Variants in CES3 observed in about 807,000 individuals in gnomAD.
The protein encoded by CES3 is carboxylesterase 3, also known as carboxylesterase 3 (brain).
Under a neutral mutation model 57.6 loss-of-function variants are expected in CES3, and 49 were observed. That is an observed-to-expected ratio of 0.85 (90% CI 0.68 to 1.08). The LOEUF (loss-of-function observed/expected upper bound fraction) is 1.08. Ranked by LOEUF, CES3 falls within the 50% of genes least tolerant of loss-of-function variation. The probability of loss-of-function intolerance (pLI) is 0.00; values close to 1 mark genes in which losing one functional copy is unlikely to be tolerated. For missense variants in CES3, 645 were observed against 742.0 expected (o/e 0.87, Z 1.52); for synonymous variants, 266 against 281.6 (o/e 0.94, Z 0.55).
rs745523870 is a variant in CES3 at position 66,972,347 on chromosome 16, T to A, written c.1292-9T>A. On this transcript the variant is annotated splice_polypyrimidine_tract_variant and intron_variant, in intron 10 of 12. Transcript: ENST00000303334. ...AGTGCCTAACTCCCATCCCATCCTT[T>A]CTCTGTAGATTCTGGAAGCCCTGTC... The A allele has an allele frequency of 6.3e-6, 10 of 1,582,436 alleles. No individual in the cohort carries two copies. The South Asian group carries it at 1.0e-4, about 17-fold the overall frequency.
chr16:66,963,197 C>T lies in CES3; in HGVS notation c.101C>T (p.Pro34Leu), dbSNP rs758922322. Residue 34 changes from proline to leucine, a missense_variant, in exon 2 of 13, where the codon CCT becomes CTT. Physicochemically the swap from Pro to Leu is moderately conservative, Grantham distance 98 (BLOSUM62 -3). Transcript: ENST00000303334. This position sits in a 1 kb window ranked among gnomAD's most constrained non-coding sequence, Gnocchi z 4.9. ...CCCTCAGGGCCCGAAGTTGCTCAGC[C>T]TGAAGTAGACACCACCCTGGGTCGT... ...ATATGPEVAQ[P>L]EVDTTLGRVR... is the part of the protein sequence containing the mutation. The T allele has an allele frequency of 3.1e-6, 5 of 1,614,158 alleles. No individual in the cohort carries two copies. In the Admixed American group the frequency reaches 8.3e-5, roughly 27 times the overall value.
Position 66,963,860 on chromosome 16 carries a change from G to T in CES3, c.485G>T (p.Gly162Val). ...LITGAATSYDGSALAAYGDVV... is the reference protein window; with the variant it reads ...LITGAATSYDVSALAAYGDVV... The stretch of plus-strand genomic sequence containing the variant: ...ACTGGCGCTGCCACCTCCTACGATG[G>T]ATCAGCTCTGGCTGCCTATGGGGAT... The change falls in exon 4 of 13, where the codon GGA becomes GTA. Residue 162 changes from glycine to valine, a missense_variant. Gly to Val is a moderately radical substitution (Grantham distance 109). Transcript: ENST00000303334. The surrounding 1 kb of genome is among the most constrained non-coding windows in gnomAD (Gnocchi z 4.9). 6.2e-7 allele frequency: 1 copy of T among 1,614,150 alleles called. No homozygotes were observed. The highest frequency in any genetic ancestry group is 1.3e-5 in the African/African-American group (1 of 75,032).
In CES3 at chr16:66,969,686, G is replaced by A; in HGVS notation, c.1070G>A (p.Gly357Asp). ...GCCTTGGTGTCCACACAGGGCTGGG[G>A]TCTCCTGGATACAATGGAGCAGATG... ...EFSWLIPRGWGLLDTMEQMSR... is the reference protein window; with the variant it reads ...EFSWLIPRGWDLLDTMEQMSR... Residue 357 changes from glycine to aspartate, a missense_variant, in exon 9 of 13, where the codon GGT becomes GAT. By Grantham distance (94) the Gly-to-Asp change is moderately conservative. Transcript: ENST00000303334. 1 of 1,613,242 alleles carries A rather than the reference G, an allele frequency of 6.2e-7. No individual in the cohort carries two copies. Among genetic ancestry groups the A allele is most frequent in the African/African-American group, 1.3e-5 (1 of 75,028 alleles).
At chr16:66,969,848 C>A in intron 9 of CES3, 89 bp downstream of exon 9, 2 of 1,164,648 alleles carry the variant, frequency 1.7e-6, no homozygotes, top group Non-Finnish European at 1.3e-6. Context: ...CTGCCCCTAC[C>A]TTCCGACACC....
Position 66,961,331 on chromosome 16 carries a change from G to A in CES3, c.24G>A (p.Glu8=). 2 of 1,613,942 alleles carry A rather than the reference G, an allele frequency of 1.2e-6. No homozygotes were observed. Among genetic ancestry groups the A allele is most frequent in the African/African-American group, 2.7e-5 (2 of 75,044 alleles). Residue 8 remains glutamate (E), a synonymous_variant, in exon 1 of 13, where the codon GAG becomes GAA. Transcript: ENST00000303334. The part of the protein sequence containing the change: MERAVRV[E]SGVLVGVVCL... ...GAATGGAGAGAGCAGTGAGAGTGGA[G>A]TCCGGGGTCCTGGTCGGGGTGGTCT...
In CES3 at chr16:66,963,033, A is replaced by C; in HGVS notation, c.83-146A>C. ...GCAGGGAGGAGGAAGTTGGGCGTCA[A>C]CCTAAGACCAGGCTCACCGGCTTGC... On this transcript the variant is annotated intron_variant, in intron 1 of 12. Coordinates refer to ENST00000303334, the MANE Select transcript of CES3 (RefSeq NM_024922.6). The surrounding 1 kb of genome is among the most constrained non-coding windows in gnomAD (Gnocchi z 4.9). The C allele has an allele frequency of 1.2e-6, 1 of 856,416 alleles. No homozygotes were observed. Among genetic ancestry groups the C allele is most frequent in the Admixed American group, 2.0e-5 (1 of 50,264 alleles). 53.1% of individuals were successfully genotyped at this position (856,416 alleles called of 1,614,324 possible). A position where few individuals can be genotyped will look rare whatever the true frequency, so the allele number is the denominator to read the frequency against.
Position 66,964,808 on chromosome 16 carries a change from G to C in CES3, c.819+81G>C, listed in dbSNP as rs577919484. 7.8e-6 allele frequency: 9 copies of C among 1,155,144 alleles called. No homozygotes were observed. The Middle Eastern group carries it at 1.0e-3, about 128-fold the overall frequency. 71.6% of individuals were successfully genotyped at this position (1,155,144 alleles called of 1,614,324 possible). On this transcript the variant is annotated intron_variant, in intron 6 of 12. Transcript: ENST00000303334. Reference sequence around the variant, plus strand: ...GCTGGCCCTGGGGTCTCAGAGTAGCGGGGTTTGCTGGCAGGGAGCTCCCTG... The same window carrying C: ...GCTGGCCCTGGGGTCTCAGAGTAGCCGGGTTTGCTGGCAGGGAGCTCCCTG...
intron 10 of CES3, among the ~76,000 whole-genome samples, chr16:66,971,832 G>A (rs1963838693): frequency 6.6e-6 from 1 of 152,070 alleles, no homozygotes; most frequent in African/African-American, 2.4e-5. Flanking sequence ...ATTGTGATGG[G>A]GATTCAATAA....
chr16:66,971,299 G>C lies in CES3; in HGVS notation c.1271G>C (p.Ser424Thr). Residue 424 changes from serine (S) to threonine (T), a missense_variant, in exon 10 of 13, where the codon AGT becomes ACT. By Grantham distance (58) the Ser-to-Thr change is moderately conservative (BLOSUM62 1). Transcript: ENST00000303334. ...GDVFINVPTV[S>T]FSRYLRDSGS... ...GTATTCATCAATGTTCCCACCGTCA[G>C]TTTTTCAAGATACCTTCGAGGTAAG... The C allele has an allele frequency of 6.2e-7, 1 of 1,613,902 alleles. No individual in the cohort carries two copies. The highest frequency in any genetic ancestry group is 8.5e-7 in the Non-Finnish European group (1 of 1,179,862).
chr16:66,964,550 G>A (rs1446779896), intron 5 of CES3, 40 bp downstream of exon 5: 2 of 1,612,058 alleles, frequency 1.2e-6, no homozygotes, highest in East Asian at 4.5e-5. Flanking sequence ...GGCCAGGAGG[G>A]CTCCGGTGGT....
At position 66,963,968 on chromosome 16, in the gene CES3, G is replaced by A. The variant is rs368064586; in HGVS notation, c.560+33G>A. The A allele has an allele frequency of 1.3e-5, 21 of 1,597,860 alleles. No homozygotes were observed. The highest frequency in any genetic ancestry group is 1.7e-5 in the Non-Finnish European group (20 of 1,167,390). The stretch of plus-strand genomic sequence containing the variant: ...GACAGGCATGGCCAGAGCACTGCCT[G>A]CACCGGGGAGAGGCCAGCTCACCAG... On this transcript the variant is annotated intron_variant, in intron 4 of 12. Transcript: ENST00000303334. This position sits in a 1 kb window ranked among gnomAD's most constrained non-coding sequence, Gnocchi z 4.9.
chr16:66,971,408 G>A, intron 10 of CES3, 89 bp downstream of exon 10: 1 of 1,412,752 alleles, frequency 7.1e-7, no homozygotes, highest in South Asian at 1.3e-5. Flanking sequence ...ATAGGGTGCT[G>A]GTTCCCTCAA....
rs1963918884 is a variant in CES3, at chr16:66,975,072, A to G, written c.*2023A>G. 1 of 152,270 alleles carries G rather than the reference A, an allele frequency of 6.6e-6. No homozygotes were observed. Among genetic ancestry groups the G allele is most frequent in the African/African-American group, 2.4e-5 (1 of 41,454 alleles). The allele number at this position is 152,270 out of a possible 1,614,324, so 9.4% of individuals were successfully genotyped here. On this transcript the variant is annotated 3_prime_UTR_variant, in exon 13 of 13. Transcript: ENST00000303334. ...AAGCAGGCTGCCTGAGCCAGCAGTG[A>G]CAACCCCCCTCGGGTCCCCTCCCAC...
rs186834940 is a variant in CES3, at chr16:66,969,597, G to A, written c.1063-82G>A. The A allele has an allele frequency of 1.5e-4, 202 of 1,382,064 alleles. 1 individual carries two copies. In the African/African-American group the frequency reaches 1.5e-3, roughly 10 times the overall value. The allele number at this position is 1,382,064 out of a possible 1,614,324, so 85.6% of individuals were successfully genotyped here. A position where few individuals can be genotyped will look rare whatever the true frequency, so the allele number is the denominator to read the frequency against. ...ATGATGAGTTTCTGGCCTCAGGACC[G>A]TGAACACTCTCTTGCCCAGGGCTGG... is the stretch of plus-strand genomic sequence containing the variant. On this transcript the variant is annotated intron_variant, in intron 8 of 12. Transcript: ENST00000303334.
At position 66,963,005 on chromosome 16, in the gene CES3, C is replaced by A. The variant is rs1450432989; in HGVS notation, c.83-174C>A. The A allele has an allele frequency of 8.1e-6, 6 of 739,098 alleles. No individual in the cohort carries two copies. Among genetic ancestry groups the A allele is most frequent in the Middle Eastern group, 2.2e-4 (1 of 4,446 alleles). 45.8% of individuals were successfully genotyped at this position (739,098 alleles called of 1,614,324 possible). A position where few individuals can be genotyped will look rare whatever the true frequency, so the allele number is the denominator to read the frequency against. ...GAGTGGAGTGGTAGTGACTCTCAGG[C>A]AGGCAGGGAGGAGGAAGTTGGGCGT... On this transcript the variant is annotated intron_variant, in intron 1 of 12. Coordinates refer to ENST00000303334, the MANE Select transcript of CES3 (RefSeq NM_024922.6). The surrounding 1 kb of genome is among the most constrained non-coding windows in gnomAD (Gnocchi z 4.9).
chr16:66,971,341 T>TGG, intron 10 of CES3, 22 bp downstream of exon 10: 1 of 1,605,626 alleles, frequency 6.2e-7, no homozygotes, highest in Non-Finnish European at 8.5e-7. Flanking sequence ...CCTGGCCACC[T>TGG]GCCCAACCCC....
At chr16:66,970,069 T>C (rs1219784080) in intron 9 of CES3, among the ~76,000 whole-genome samples, 1 of 151,544 alleles carries the variant, frequency 6.6e-6, no homozygotes, top group Non-Finnish European at 1.5e-5. Flanking sequence ...TCTCCTTCAA[T>C]CCTCACTGCA....
At chr16:66,962,543 G>A (rs751829500) in intron 1 of CES3, among the ~76,000 whole-genome samples, 2 of 152,186 alleles carry the variant, frequency 1.3e-5, no homozygotes, top group Admixed American at 1.3e-4. Flanking sequence ...AGGATTGCTT[G>A]AGCCCAGGGG....
Position 66,966,506 on chromosome 16 carries a change from C to T in CES3, c.921+161C>T, listed in dbSNP as rs1248698386. ...CTTGGAGACAGAAATGGAGGGCCAT[C>T]TCCATCCCCACAGCAGGCCTGTCTT... On this transcript the variant is annotated intron_variant, in intron 7 of 12. Coordinates refer to ENST00000303334, the MANE Select transcript of CES3 (RefSeq NM_024922.6). 5 of 831,000 alleles carry T rather than the reference C, an allele frequency of 6.0e-6. No homozygotes were observed. In the East Asian group the frequency reaches 1.3e-4, roughly 22 times the overall value. 51.5% of individuals were successfully genotyped at this position (831,000 alleles called of 1,614,324 possible).
Sources: allele counts gnomAD v4.1 joint callset (sites outside exome capture counted in the v4.1 genomes callset), GRCh38; gene constraint gnomAD v4.1.1; non-coding constraint Gnocchi (gnomAD v3.1); transcripts MANE v1.5; gene names NCBI Gene and HGNC (gene_info 2026-07-23, HGNC 2026-07-21).